TMEM65: variants seen among roughly 807,000 people sequenced by gnomAD.
TMEM65 encodes transmembrane protein 65.
In TMEM65, 22 loss-of-function variants were observed where a neutral mutation model predicts 25.4. The observed-to-expected ratio is 0.86, with a 90% CI of 0.62 to 1.23. The LOEUF (loss-of-function observed/expected upper bound fraction) is 1.23, where lower values mean the gene tolerates loss of function less well. Among genes scored for constraint, TMEM65 ranks in the 50% most tolerant of loss-of-function variants. TMEM65 has a pLI of 0.00. For missense variants in TMEM65, 262 were observed against 308.2 expected (o/e 0.85, Z 1.12); for synonymous variants, 132 against 126.2 (o/e 1.05, Z -0.31).
At position 124,306,792 on chromosome 8, in the gene TMEM65, T is replaced by C. The variant is rs548264776; in HGVS notation, c.*7168A>G. ...GGTGAAACCCTGTTTCTCCTAAAAA[T>C]ACAAAAATTAGCTGGGCATGGGGAT... On this transcript the variant is annotated 3_prime_UTR_variant, in exon 7 of 7. Coordinates refer to ENST00000297632, the MANE Select transcript of TMEM65 (RefSeq NM_194291.3). 6.6e-6 allele frequency: 1 copy of C among 151,734 alleles called. No homozygotes were observed. The highest frequency in any genetic ancestry group is 2.4e-5 in the African/African-American group (1 of 41,236). The allele number at this position is 151,734 out of a possible 1,614,324, so 9.4% of individuals were successfully genotyped here. A position where few individuals can be genotyped will look rare whatever the true frequency, so the allele number is the denominator to read the frequency against.
Position 124,309,935 on chromosome 8 carries a change from G to C in TMEM65, c.*4025C>G, listed in dbSNP as rs1344479667. The C allele has an allele frequency of 6.6e-6, 1 of 151,962 alleles. No individual in the cohort carries two copies. The highest frequency in any genetic ancestry group is 2.4e-5 in the African/African-American group (1 of 41,364). The allele number at this position is 151,962 out of a possible 1,614,324, so 9.4% of individuals were successfully genotyped here. A position where few individuals can be genotyped will look rare whatever the true frequency, so the allele number is the denominator to read the frequency against. On this transcript the variant is annotated 3_prime_UTR_variant, in exon 7 of 7. Coordinates refer to ENST00000297632, the MANE Select transcript of TMEM65 (RefSeq NM_194291.3). Reference sequence around the variant, plus strand: ...TCGGTGGCACGTGCCTGTAATCCCAGCTACTCAGGAGGTCAGGAGTCTGAG... The same window carrying C: ...TCGGTGGCACGTGCCTGTAATCCCACCTACTCAGGAGGTCAGGAGTCTGAG...
chr8:124,314,447 T>C (rs1463061394), intron 6 of TMEM65, among the ~76,000 whole-genome samples: 1 of 152,214 alleles, frequency 6.6e-6, no homozygotes, highest in Non-Finnish European at 1.5e-5. Context: ...TTTCCATGTA[T>C]ATTTCTTCCC....
At chr8:124,327,017 A>C (rs1814373309) in intron 3 of TMEM65, among the ~76,000 whole-genome samples, 1 of 152,070 alleles carries the variant, frequency 6.6e-6, no homozygotes, top group Admixed American at 6.6e-5. Context: ...TATATGTGAT[A>C]ATTGCCAACA....
chr8:124,339,191 C>CAAAAAA (rs1168433838), intron 1 of TMEM65, among the ~76,000 whole-genome samples: 12 of 43,560 alleles, frequency 2.8e-4, no homozygotes, highest in Non-Finnish European at 3.4e-4. Context: ...GACTCTGTCT[C>CAAAAAA]AAAAAAAAAA....
rs533037470 is a variant in TMEM65 at position 124,310,758 on chromosome 8, T to C, written c.*3202A>G. On this transcript the variant is annotated 3_prime_UTR_variant, in exon 7 of 7. Coordinates refer to ENST00000297632, the MANE Select transcript of TMEM65 (RefSeq NM_194291.3). ...ATTTCCCAAATAATTTATGGTAAGA[T>C]AGGCTAACCAGTTTCTAAGTCCAGA... 6.6e-6 allele frequency: 1 copy of C among 151,940 alleles called. No homozygotes were observed. Among genetic ancestry groups the C allele is most frequent in the South Asian group, 2.1e-4 (1 of 4,812 alleles). The allele number at this position is 151,940 out of a possible 1,614,324, so 9.4% of individuals were successfully genotyped here.
At chr8:124,324,185 G>A (rs1814338985) in intron 3 of TMEM65, among the ~76,000 whole-genome samples, 1 of 151,976 alleles carries the variant, frequency 6.6e-6, no homozygotes, top group Non-Finnish European at 1.5e-5. Flanking sequence ...ACTGATGCTT[G>A]AACATTTCTA....
chr8:124,372,448 C>A lies in TMEM65; in HGVS notation c.-291G>T, dbSNP rs1815033088. The A allele has an allele frequency of 6.3e-6, 1 of 159,440 alleles. No homozygotes were observed. Among genetic ancestry groups the A allele is most frequent in the East Asian group, 1.9e-4 (1 of 5,338 alleles). 9.9% of individuals were successfully genotyped at this position (159,440 alleles called of 1,614,324 possible). On this transcript the variant is annotated 5_prime_UTR_variant, in exon 1 of 7. Transcript: ENST00000297632. Reference sequence around the variant, plus strand: ...GGAGAGGGCGGGCGGTCGGTGCGGGCGGGCGCCTCCCGGCTGAGGAGGAGC... The same window carrying A: ...GGAGAGGGCGGGCGGTCGGTGCGGGAGGGCGCCTCCCGGCTGAGGAGGAGC...
At chr8:124,353,999 C>A (rs1360636144) in intron 1 of TMEM65, among the ~76,000 whole-genome samples, 4 of 152,264 alleles carry the variant, frequency 2.6e-5, no homozygotes, top group African/African-American at 9.6e-5. Flanking sequence ...AAATTGAAAT[C>A]ATGGGCCAAA....
chr8:124,371,857 G>C lies in TMEM65; in HGVS notation c.301C>G (p.Gln101Glu). 3.9e-6 allele frequency: 6 copies of C among 1,531,944 alleles called. No homozygotes were observed. The highest frequency in any genetic ancestry group is 5.2e-6 in the Non-Finnish European group (6 of 1,145,278). The allele number at this position is 1,531,944 out of a possible 1,614,324, so 94.9% of individuals were successfully genotyped here. The part of the protein sequence containing the change: ...LHRFESIAIA[Q>E]EKLEAPPPTP... The stretch of plus-strand genomic sequence containing the variant: ...GCCCCCCACCTGCCCCCCTTACCTT[G>C]GGCAATGGCAATAGACTCGAAGCGG... Residue 101 changes from glutamine to glutamate, a missense_variant, in exon 1 of 7, where the codon CAA becomes GAA. Gln to Glu is a conservative substitution (Grantham distance 29, BLOSUM62 2). Transcript: ENST00000297632.
intron 6 of TMEM65, among the ~76,000 whole-genome samples, chr8:124,314,804 C>T (rs1487523059): frequency 6.6e-6 from 1 of 151,838 alleles, no homozygotes; most frequent in Non-Finnish European, 1.5e-5. Flanking sequence ...GAACTACAGA[C>T]ACATGCCACT....
At chr8:124,352,426 C>T (rs554509163) in intron 1 of TMEM65, among the ~76,000 whole-genome samples, 47 of 150,892 alleles carry the variant, frequency 3.1e-4, no homozygotes, top group Admixed American at 1.1e-3. Flanking sequence ...ACAAGATTCT[C>T]TTTCTTAGAA....
intron 6 of TMEM65, among the ~76,000 whole-genome samples, chr8:124,317,884 G>T (rs1586455340): frequency 6.6e-6 from 1 of 152,178 alleles, no homozygotes. Context: ...AAGAACTGCA[G>T]GTGACCCGTA....
intron 1 of TMEM65, among the ~76,000 whole-genome samples, chr8:124,337,140 C>T (rs1423850913): frequency 7.8e-6 from 1 of 128,426 alleles, no homozygotes; most frequent in Non-Finnish European, 1.7e-5. Flanking sequence ...TAAACACACA[C>T]ACACGCACAC....
In TMEM65 at chr8:124,307,089, C is replaced by T. The variant is rs1814100088; in HGVS notation, c.*6871G>A. On this transcript the variant is annotated 3_prime_UTR_variant, in exon 7 of 7. Transcript: ENST00000297632. ...ATTAACTATAGTACATACTGCACTA[C>T]TACCATAATTTCAGAGCTACCTCCT... 1 of 152,208 alleles carries T rather than the reference C, an allele frequency of 6.6e-6. No homozygotes were observed. The highest frequency in any genetic ancestry group is 6.5e-5 in the Admixed American group (1 of 15,284). 9.4% of individuals were successfully genotyped at this position (152,208 alleles called of 1,614,324 possible). A position where few individuals can be genotyped will look rare whatever the true frequency, so the allele number is the denominator to read the frequency against.
At chr8:124,336,127 G>A (rs1397206199) in intron 1 of TMEM65, among the ~76,000 whole-genome samples, 1 of 151,912 alleles carries the variant, frequency 6.6e-6, no homozygotes, top group Non-Finnish European at 1.5e-5. Flanking sequence ...ATAAACCAGG[G>A]ACATTTCAAA....
chr8:124,369,787 T>C (rs1242370883), intron 1 of TMEM65, among the ~76,000 whole-genome samples: 2 of 152,226 alleles, frequency 1.3e-5, no homozygotes, highest in African/African-American at 4.8e-5. Context: ...ACTATATGTA[T>C]TGATACTGAA....
At chr8:124,328,017 A>G (rs894024550) in intron 2 of TMEM65, among the ~76,000 whole-genome samples, 5 of 152,118 alleles carry the variant, frequency 3.3e-5, no homozygotes, top group African/African-American at 7.2e-5. Flanking sequence ...ATTGCAAACT[A>G]TAAACAATCA....
At chr8:124,371,733 G>A (rs896949770) in intron 1 of TMEM65, 121 bp downstream of exon 1, 7 of 989,020 alleles carry the variant, frequency 7.1e-6, no homozygotes, top group African/African-American at 5.2e-5. Flanking sequence ...ACAGGCGAGG[G>A]GGGCGGAAGG....
intron 1 of TMEM65, among the ~76,000 whole-genome samples, chr8:124,354,439 C>T (rs1017683682): frequency 1.3e-5 from 2 of 152,166 alleles, no homozygotes; most frequent in African/African-American, 4.8e-5. Flanking sequence ...TTGCAGTGGA[C>T]AATGTGGTAC....
Sources: allele counts gnomAD v4.1 joint callset (sites outside exome capture counted in the v4.1 genomes callset), GRCh38; gene constraint gnomAD v4.1.1; transcripts MANE v1.5; gene names NCBI Gene and HGNC (gene_info 2026-07-23, HGNC 2026-07-21).